Variants in GPC5 observed in about 807,000 individuals in gnomAD.
GPC5 encodes glypican 5.
A neutral mutation model predicts 53.9 loss-of-function variants in GPC5; 47 were observed. The observed-to-expected ratio is 0.87, with a 90% CI of 0.69 to 1.11. The LOEUF (loss-of-function observed/expected upper bound fraction) is 1.11. Ranked by LOEUF, GPC5 falls within the 50% of genes most tolerant of loss-of-function variation. GPC5 has a pLI of 0.00. For synonymous variants in GPC5, 286 were observed against 263.3 expected (o/e 1.09, Z -0.84); for missense variants, 748 against 713.1 (o/e 1.05, Z -0.56).
Position 92,076,653 on chromosome 13 carries a change from T to A in GPC5, c.1402-68177T>A, listed in dbSNP as rs866841955. Among the ~76,000 whole-genome samples the A allele has an allele frequency of 4.6e-5, 7 of 152,242 alleles. No homozygotes were observed. The Middle Eastern group carries it at 0.014, about 296-fold the overall frequency. Reference sequence around the variant, plus strand: ...CCATGAATTCTCATCAGATGGATTTTTTTTTTACCCTATATAGCATGACTT... The same window carrying A: ...CCATGAATTCTCATCAGATGGATTTATTTTTTACCCTATATAGCATGACTT... On this transcript the variant is annotated intron_variant, in intron 6 of 7. Coordinates refer to ENST00000377067, the MANE Select transcript of GPC5 (RefSeq NM_004466.6).
At chr13:92,460,334 T>C (rs1222122174) in intron 7 of GPC5, among the ~76,000 whole-genome samples, 2 of 152,142 alleles carry the variant, frequency 1.3e-5, no homozygotes, top group Non-Finnish European at 2.9e-5. Context: ...AAAAGAGATG[T>C]GGCATGTACA....
At chr13:91,852,985 C>T (rs2038930987) in intron 5 of GPC5, among the ~76,000 whole-genome samples, 1 of 152,030 alleles carries the variant, frequency 6.6e-6, no homozygotes, top group Non-Finnish European at 1.5e-5. Context: ...CTGAAGTCTG[C>T]CCTTGTGTAG....
At chr13:91,713,311 G>A (rs1296210301) in intron 3 of GPC5, among the ~76,000 whole-genome samples, 1 of 152,042 alleles carries the variant, frequency 6.6e-6, no homozygotes, top group Non-Finnish European at 1.5e-5. Flanking sequence ...AAAGGAGTAA[G>A]GAAGTGCCCC....
At chr13:92,120,754 T>C (rs1200384511) in intron 6 of GPC5, among the ~76,000 whole-genome samples, 1 of 152,216 alleles carries the variant, frequency 6.6e-6, no homozygotes, top group Non-Finnish European at 1.5e-5. Context: ...AAAATTTCAT[T>C]TGGAAAATTG....
At chr13:91,901,798 T>C (rs1256456577) in intron 5 of GPC5, among the ~76,000 whole-genome samples, 1 of 151,982 alleles carries the variant, frequency 6.6e-6, no homozygotes, top group Non-Finnish European at 1.5e-5. Context: ...GTGTTTAATC[T>C]CCTAGAAATT....
At chr13:91,410,579 C>T (rs1016287559) in intron 1 of GPC5, among the ~76,000 whole-genome samples, 1 of 151,628 alleles carries the variant, frequency 6.6e-6, no homozygotes, top group Non-Finnish European at 1.5e-5. Context: ...ATCTCCTGAC[C>T]TCGTGATCCG....
intron 2 of GPC5, among the ~76,000 whole-genome samples, chr13:91,502,883 C>G (rs370435325): frequency 3.3e-5 from 5 of 152,162 alleles, no homozygotes; most frequent in Non-Finnish European, 5.9e-5. Flanking sequence ...AGATTTGAAC[C>G]TTGGTACTGT....
chr13:91,426,718 T>G (rs1456908620), intron 1 of GPC5, among the ~76,000 whole-genome samples: 1 of 152,188 alleles, frequency 6.6e-6, no homozygotes, highest in Non-Finnish European at 1.5e-5. Context: ...CCTTCCATAT[T>G]CCTCTGCCTG....
intron 2 of GPC5, among the ~76,000 whole-genome samples, chr13:91,596,307 T>C (rs1018970853): frequency 6.6e-6 from 1 of 152,236 alleles, no homozygotes; most frequent in Non-Finnish European, 1.5e-5. Flanking sequence ...CCAATATGTT[T>C]ATCTCTGCCT....
At chr13:91,405,681 C>T (rs1877270767) in intron 1 of GPC5, among the ~76,000 whole-genome samples, 1 of 152,156 alleles carries the variant, frequency 6.6e-6, no homozygotes, top group Admixed American at 6.5e-5. Flanking sequence ...CTGCTAGGGC[C>T]ATTTTCCTGG....
At chr13:92,304,137 C>T (rs962529178) in intron 7 of GPC5, among the ~76,000 whole-genome samples, 2 of 152,012 alleles carry the variant, frequency 1.3e-5, no homozygotes, top group East Asian at 1.9e-4. Context: ...GTAGGTTTTA[C>T]TCCTGTTCTC....
At chr13:91,793,624 A>G (rs1167325358) in intron 5 of GPC5, among the ~76,000 whole-genome samples, 1 of 152,152 alleles carries the variant, frequency 6.6e-6, no homozygotes, top group Non-Finnish European at 1.5e-5. Flanking sequence ...TCACACTGCT[A>G]TAAAGAAACT....
At chr13:92,089,205 C>T (rs1174947556) in intron 6 of GPC5, among the ~76,000 whole-genome samples, 2 of 152,148 alleles carry the variant, frequency 1.3e-5, no homozygotes, top group Non-Finnish European at 2.9e-5. Context: ...GAGGCCGAGG[C>T]GGGCCGATCA....
At chr13:92,112,631 GAT>G (rs2138929793) in intron 6 of GPC5, among the ~76,000 whole-genome samples, 1 of 152,162 alleles carries the variant, frequency 6.6e-6, no homozygotes, top group South Asian at 2.1e-4. Context: ...AGCAGAAGTG[GAT>G]ATTTTGTGGA....
intron 7 of GPC5, among the ~76,000 whole-genome samples, chr13:92,516,423 T>C (rs1434178006): frequency 1.3e-5 from 2 of 152,134 alleles, no homozygotes; most frequent in Non-Finnish European, 2.9e-5. Context: ...CTTGATATAT[T>C]ATGGGGATAA....
intron 7 of GPC5, among the ~76,000 whole-genome samples, chr13:92,585,852 TG>T (rs935080535): frequency 6.6e-6 from 1 of 152,194 alleles, no homozygotes; most frequent in African/African-American, 2.4e-5. Context: ...GCTCTCTCTT[TG>T]CCTGCTGCCA....
At chr13:91,547,651 G>A (rs9515938) in intron 2 of GPC5, among the ~76,000 whole-genome samples, 101,705 of 151,578 alleles carry the variant, frequency 0.67, 35,226 homozygotes, top group East Asian at 0.99. Context: ...AGGCTAGCTA[G>A]CATCACTCTA....
intron 7 of GPC5, among the ~76,000 whole-genome samples, chr13:92,445,313 A>G (rs61973609): frequency 0.26 from 29,782 of 114,478 alleles, 3,582 homozygotes; most frequent in East Asian, 0.62. Context: ...GTTTTATTTT[A>G]TTTTATTTTA....
At position 91,572,245 on chromosome 13, in the gene GPC5, A is replaced by G. The variant is rs865836200; in HGVS notation, c.326-120942A>G. Among the ~76,000 whole-genome samples, 44 of 129,018 alleles carry G rather than the reference A, an allele frequency of 3.4e-4. 2 individuals are homozygous for G. Among genetic ancestry groups the G allele is most frequent in the African/African-American group, 1.2e-3 (29 of 23,390 alleles). 84.6% of individuals were successfully genotyped at this position (129,018 alleles called of 152,430 possible). On this transcript the variant is annotated intron_variant, in intron 2 of 7. Transcript: ENST00000377067. Reference sequence around the variant, plus strand: ...TATACACATATGTATATACATGTGTATATATATACACATATGTATATACAT... The same window carrying G: ...TATACACATATGTATATACATGTGTGTATATATACACATATGTATATACAT...
Sources: gnomAD v4.1 joint callset for allele counts (sites outside exome capture counted in the v4.1 genomes callset) on GRCh38, gnomAD v4.1.1 for gene constraint, MANE v1.5 for transcripts, NCBI Gene and HGNC (gene_info 2026-07-23, HGNC 2026-07-21) for gene names.